Variants in METTL25 observed in about 807,000 individuals in gnomAD.
The protein encoded by METTL25 is probable methyltransferase-like protein 25.
A neutral mutation model predicts 71.6 loss-of-function variants in METTL25; 64 were observed. The ratio of observed to expected loss-of-function variants is 0.89; its 90% confidence interval spans 0.73 to 1.10. The LOEUF (loss-of-function observed/expected upper bound fraction) is 1.10, where lower values mean the gene tolerates loss of function less well. METTL25 is among the 50% of genes least tolerant of loss of function. METTL25 has a pLI of 0.00. For missense variants in METTL25, 807 were observed against 707.0 expected, an observed-to-expected ratio of 1.14 and a Z score of -1.60; for synonymous variants, 287 against 250.3, an observed-to-expected ratio of 1.15 and a Z score of -1.38.
intron 5 of METTL25, among the ~76,000 whole-genome samples, chr12:82,403,684 G>C (rs1467713361): frequency 6.6e-6 from 1 of 152,196 alleles, no homozygotes; most frequent in Non-Finnish European, 1.5e-5. Flanking sequence ...CTGATGAGCA[G>C]AGTATGGAGT....
intron 5 of METTL25, among the ~76,000 whole-genome samples, chr12:82,427,304 C>G (rs1889109062): frequency 6.6e-6 from 1 of 151,842 alleles, no homozygotes; most frequent in Non-Finnish European, 1.5e-5. Flanking sequence ...AGAAGTCACC[C>G]CAAAACTCAA....
intron 3 of METTL25, among the ~76,000 whole-genome samples, chr12:82,397,459 A>G (rs557229508): frequency 6.6e-6 from 1 of 152,142 alleles, no homozygotes; most frequent in Admixed American, 6.6e-5. Context: ...AGTAAAGTCC[A>G]TTTTTAAAAT....
intron 3 of METTL25, among the ~76,000 whole-genome samples, chr12:82,392,493 T>C (rs1179194559): frequency 6.6e-6 from 1 of 152,066 alleles, no homozygotes; most frequent in African/African-American, 2.4e-5. Context: ...TTTATTCCAT[T>C]GAGTTGTTTG....
intron 8 of METTL25, among the ~76,000 whole-genome samples, chr12:82,451,570 C>G (rs1466692400): frequency 6.6e-6 from 1 of 152,146 alleles, no homozygotes; most frequent in Non-Finnish European, 1.5e-5. Context: ...CTCTTTACCT[C>G]TGTTGAAACC....
chr12:82,467,265 C>CT (rs945955890), intron 9 of METTL25, among the ~76,000 whole-genome samples: 6 of 151,900 alleles, frequency 3.9e-5, no homozygotes, highest in African/African-American at 7.3e-5. Context: ...TTTTTTAAAT[C>CT]TTTTTTTGTC....
At chr12:82,390,102 T>C (rs1410623383) in intron 3 of METTL25, among the ~76,000 whole-genome samples, 180 bp downstream of exon 3, 1 of 152,082 alleles carries the variant, frequency 6.6e-6, no homozygotes, top group African/African-American at 2.4e-5. Flanking sequence ...TCCTAGTATA[T>C]TGTAATTTTA....
chr12:82,394,795 A>T (rs1166272898), intron 3 of METTL25, among the ~76,000 whole-genome samples: 1 of 151,984 alleles, frequency 6.6e-6, no homozygotes, highest in African/African-American at 2.4e-5. Context: ...TTTGATACAG[A>T]GGGGAAGGTC....
At chr12:82,359,912 TG>T (rs1257993014) in intron 1 of METTL25, among the ~76,000 whole-genome samples, 1 of 152,228 alleles carries the variant, frequency 6.6e-6, no homozygotes, top group African/African-American at 2.4e-5. Context: ...ATACTGTTGT[TG>T]TTTTTTTAAG....
chr12:82,443,509 A>G (rs1025337640), intron 8 of METTL25, among the ~76,000 whole-genome samples: 1 of 152,046 alleles, frequency 6.6e-6, no homozygotes, highest in Admixed American at 6.6e-5. Flanking sequence ...TGCCTAAAAA[A>G]TAACCTCAAA....
chr12:82,463,783 T>G (rs895018589), intron 9 of METTL25, among the ~76,000 whole-genome samples: 3 of 151,896 alleles, frequency 2.0e-5, no homozygotes, highest in South Asian at 2.1e-4. Flanking sequence ...CCATTCTAAC[T>G]GGGGGAGATG....
At chr12:82,469,103 T>C (rs938231741) in intron 9 of METTL25, among the ~76,000 whole-genome samples, 1 of 152,112 alleles carries the variant, frequency 6.6e-6, no homozygotes, top group Non-Finnish European at 1.5e-5. Flanking sequence ...CAAACTCATG[T>C]CCCCAGCACA....
intron 1 of METTL25, among the ~76,000 whole-genome samples, chr12:82,383,064 T>C (rs1316805631): frequency 6.6e-6 from 1 of 151,618 alleles, no homozygotes. Flanking sequence ...TAGAGGGGAG[T>C]GAAGAAAGTG....
intron 1 of METTL25, among the ~76,000 whole-genome samples, chr12:82,375,731 C>T (rs1883776462): frequency 1.3e-5 from 2 of 152,150 alleles, no homozygotes; most frequent in South Asian, 2.1e-4. Context: ...GAATAGACAA[C>T]CTTTGAGCAT....
chr12:82,402,584 A>G (rs940446907), intron 4 of METTL25, among the ~76,000 whole-genome samples: 1 of 152,210 alleles, frequency 6.6e-6, no homozygotes, highest in African/African-American at 2.4e-5. Flanking sequence ...AATTATTACT[A>G]TGAAAATAAA....
chr12:82,459,614 A>G (rs570617399), intron 9 of METTL25, among the ~76,000 whole-genome samples: 3 of 152,334 alleles, frequency 2.0e-5, no homozygotes, highest in African/African-American at 4.8e-5. Context: ...ATGACAGAGC[A>G]AGACTCTGTC....
intron 8 of METTL25, among the ~76,000 whole-genome samples, chr12:82,453,388 A>G (rs141614261): frequency 9.8e-4 from 149 of 152,310 alleles, no homozygotes; most frequent in Middle Eastern, 6.8e-3. Context: ...AGTATTGAGT[A>G]TGAATCCTAT....
intron 7 of METTL25, among the ~76,000 whole-genome samples, chr12:82,437,865 G>C (rs1890032400): frequency 6.6e-6 from 1 of 151,536 alleles, no homozygotes; most frequent in Admixed American, 6.6e-5. Context: ...CTACATGCAA[G>C]CTGGGTTGTT....
chr12:82,363,521 A>C (rs1307682224), intron 1 of METTL25, among the ~76,000 whole-genome samples: 1 of 152,152 alleles, frequency 6.6e-6, no homozygotes, highest in African/African-American at 2.4e-5. Context: ...CAGGTATACC[A>C]CCAGACAGTG....
chr12:82,436,200 T>G (rs1399177619), intron 7 of METTL25, among the ~76,000 whole-genome samples: 1 of 151,514 alleles, frequency 6.6e-6, no homozygotes, highest in Admixed American at 6.6e-5. Context: ...GAGAATGATA[T>G]AGAGCAAAAG....
Sources: gnomAD v4.1 joint callset for allele counts (sites outside exome capture counted in the v4.1 genomes callset) on GRCh38, gnomAD v4.1.1 for gene constraint, MANE v1.5 for transcripts, NCBI Gene and HGNC (gene_info 2026-07-23, HGNC 2026-07-21) for gene names.